Variants in GRM5 observed in about 807,000 individuals in gnomAD.
GRM5 encodes metabotropic glutamate receptor 5.
GRM5 carries 19 observed loss-of-function variants against 83.1 expected under a neutral mutation model. The observed-to-expected ratio is 0.23, with a 90% CI of 0.16 to 0.34. The LOEUF is 0.34. GRM5 is among the 10% of genes least tolerant of loss of function. The pLI is 1.00. For synonymous variants in GRM5, 675 were observed against 633.6 expected (o/e 1.07, Z -0.98); for missense variants, 1,160 against 1,588.3 (o/e 0.73, Z 4.58).
intron 2 of GRM5, among the ~76,000 whole-genome samples, chr11:88,990,948 G>C (rs1939944119): frequency 6.6e-6 from 1 of 152,102 alleles, no homozygotes; most frequent in Non-Finnish European, 1.5e-5. Flanking sequence ...TTTGAAAACT[G>C]GCACAAGACA....
In GRM5 at chr11:88,565,576, T is replaced by A. The variant is rs1942858940; in HGVS notation, c.2630+1477A>T. Among the ~76,000 whole-genome samples the A allele has an allele frequency of 2.0e-5, 3 of 152,352 alleles. No homozygotes were observed. In the South Asian group the frequency reaches 6.2e-4, roughly 32 times the overall value. The stretch of plus-strand genomic sequence containing the variant: ...AAGAAAAGCTGATAAAACAAAAGTT[T>A]GAAAAATAAATTTTCTTAGCCAAAA... On this transcript the variant is annotated intron_variant, in intron 8 of 9. Coordinates refer to ENST00000305447, the MANE Select transcript of GRM5 (RefSeq NM_001143831.3).
intron 5 of GRM5, among the ~76,000 whole-genome samples, chr11:88,603,259 C>A (rs1481711346): frequency 6.6e-6 from 1 of 152,194 alleles, no homozygotes; most frequent in Admixed American, 6.5e-5. Flanking sequence ...TCTGAGGCAT[C>A]TCCTCCCTCC....
intron 2 of GRM5, among the ~76,000 whole-genome samples, chr11:88,978,894 G>A (rs778687475): frequency 2.6e-5 from 4 of 152,124 alleles, no homozygotes; most frequent in African/African-American, 4.8e-5. Flanking sequence ...GAGATTGAAC[G>A]CAGGATTCCT....
Position 88,567,975 on chromosome 11 carries a change from C to T in GRM5, c.1708G>A (p.Val570Ile). The T allele has an allele frequency of 6.2e-7, 1 of 1,611,806 alleles. No homozygotes were observed. The highest frequency in any genetic ancestry group is 8.5e-7 in the Non-Finnish European group (1 of 1,178,394). Residue 570 changes from valine (V) to isoleucine (I), a missense_variant, in exon 8 of 10, where the codon GTA (valine) becomes ATA (isoleucine). Val to Ile is a conservative substitution (Grantham distance 29). Transcript: ENST00000305447. This position sits in a 1 kb window ranked among gnomAD's most constrained non-coding sequence, Gnocchi z 7.3. ...DDLTGCDLIP[V>I]QYLRWGDPEP... ...GGGTCACCCCATCGAAGATACTGTA[C>T]TGGGATCAAGTCACAACCTGCAGAG...
At chr11:88,777,248 T>C (rs192000364) in intron 3 of GRM5, among the ~76,000 whole-genome samples, 17 of 152,344 alleles carry the variant, frequency 1.1e-4, no homozygotes, top group African/African-American at 4.1e-4. Context: ...AGCTTATGCA[T>C]GCATCACGTA....
intron 2 of GRM5, among the ~76,000 whole-genome samples, chr11:89,015,881 G>T (rs1940840862): frequency 1.3e-5 from 2 of 152,122 alleles, no homozygotes; most frequent in Admixed American, 6.6e-5. Context: ...ATGTGAGTTA[G>T]GGGGCATGTC....
intron 2 of GRM5, among the ~76,000 whole-genome samples, chr11:89,041,755 C>T (rs1941540394): frequency 6.6e-6 from 1 of 152,104 alleles, no homozygotes. Flanking sequence ...ATTAGAGTTG[C>T]CCACTGTGTT....
chr11:88,659,896 C>A (rs1939860364), intron 3 of GRM5, among the ~76,000 whole-genome samples: 2 of 151,964 alleles, frequency 1.3e-5, no homozygotes, highest in African/African-American at 4.8e-5. Flanking sequence ...TTTTTTCTTT[C>A]TTCATTTCCT....
At chr11:88,884,679 G>T (rs1176127677) in intron 2 of GRM5, among the ~76,000 whole-genome samples, 3 of 152,178 alleles carry the variant, frequency 2.0e-5, no homozygotes, top group Non-Finnish European at 2.9e-5. Flanking sequence ...GGACCCAGTG[G>T]GAGGTAACTG....
intron 9 of GRM5, chr11:88,511,996 A>C (rs116947788): frequency 6.6e-6 from 1 of 152,246 alleles, no homozygotes; most frequent in Non-Finnish European, 1.5e-5. Context: ...TCTTGCTCCT[A>C]GTACAGAGAG....
At chr11:88,955,749 G>A (rs920026439) in intron 2 of GRM5, among the ~76,000 whole-genome samples, 2 of 151,924 alleles carry the variant, frequency 1.3e-5, no homozygotes, top group African/African-American at 4.8e-5. Flanking sequence ...ACATTTTTCA[G>A]CATCTAGATC....
intron 2 of GRM5, among the ~76,000 whole-genome samples, chr11:88,974,533 C>G (rs1422216033): frequency 6.6e-6 from 1 of 152,046 alleles, no homozygotes; most frequent in Non-Finnish European, 1.5e-5. Context: ...ATTAAAGAAT[C>G]TTATATTCCA....
chr11:89,001,563 A>T (rs1369007613), intron 2 of GRM5, among the ~76,000 whole-genome samples: 1 of 152,106 alleles, frequency 6.6e-6, no homozygotes, highest in Admixed American at 6.6e-5. Flanking sequence ...TGGGTAGGGA[A>T]GTGAATGCTC....
chr11:88,570,585 T>A (rs1164766547), intron 7 of GRM5, among the ~76,000 whole-genome samples: 2 of 116,764 alleles, frequency 1.7e-5, no homozygotes, highest in African/African-American at 7.8e-5. Flanking sequence ...TTTTTTTTTT[T>A]TTTTTTTTTT....
intron 4 of GRM5, among the ~76,000 whole-genome samples, chr11:88,615,198 G>A (rs1187261866): frequency 1.3e-5 from 2 of 152,026 alleles, no homozygotes; most frequent in Non-Finnish European, 2.9e-5. Flanking sequence ...TTGTAGAAGT[G>A]CCTGGTGACT....
In GRM5 at chr11:88,883,569, A is replaced by G. The variant is rs1324539642; in HGVS notation, c.662-33414T>C. The stretch of plus-strand genomic sequence containing the variant: ...ATGATGCAGTAGGAAAGAAAAACCA[A>G]TTTTCTGGGGAGAAATTCAAACCAG... On this transcript the variant is annotated intron_variant, in intron 2 of 9. Transcript: ENST00000305447. Among the ~76,000 whole-genome samples, 3 of 152,240 alleles carry G rather than the reference A, an allele frequency of 2.0e-5. No individual in the cohort carries two copies. The East Asian group carries it at 5.8e-4, about 29-fold the overall frequency.
At chr11:88,800,933 A>T (rs569510006) in intron 3 of GRM5, among the ~76,000 whole-genome samples, 2 of 152,294 alleles carry the variant, frequency 1.3e-5, no homozygotes, top group African/African-American at 4.8e-5. Flanking sequence ...AACAGGGTCT[A>T]GCTTTTTCAG....
At chr11:89,020,988 GA>G (rs780281537) in intron 2 of GRM5, among the ~76,000 whole-genome samples, 2 of 152,130 alleles carry the variant, frequency 1.3e-5, no homozygotes, top group African/African-American at 4.8e-5. Flanking sequence ...TACCCTGTGA[GA>G]GTCTCCATGA....
chr11:88,733,381 T>TC (rs1941846378), intron 3 of GRM5, among the ~76,000 whole-genome samples: 1 of 152,008 alleles, frequency 6.6e-6, no homozygotes, highest in African/African-American at 2.4e-5. Flanking sequence ...AAATAATTTT[T>TC]CAAGTTTATA....
Sources: allele counts gnomAD v4.1 joint callset (sites outside exome capture counted in the v4.1 genomes callset), GRCh38; gene constraint gnomAD v4.1.1; non-coding constraint Gnocchi (gnomAD v3.1); transcripts MANE v1.5; gene names NCBI Gene and HGNC (gene_info 2026-07-23, HGNC 2026-07-21).